ZNF519: variants seen among roughly 807,000 people sequenced by gnomAD.
ZNF519 encodes similar to Zinc finger protein 85 (Zinc finger protein HPF4) (HTF1).
ZNF519 carries 7 observed loss-of-function variants against 7.4 expected under a neutral mutation model. That is an observed-to-expected ratio of 0.94 (90% CI 0.54 to 1.77). ZNF519 has a LOEUF of 1.77. ZNF519 is among the 40% of genes most tolerant of loss of function. ZNF519 has a pLI of 0.00. For missense variants in ZNF519, 586 were observed against 623.1 expected (o/e 0.94, Z 0.63); for synonymous variants, 179 against 203.3 (o/e 0.88, Z 1.02).
At chr18:14,076,442 G>A (rs1264121267) in exon 5 of ZNF519, 1 of 152,190 alleles carries the variant, frequency 6.6e-6, no homozygotes, top group Non-Finnish European at 1.5e-5. Context: ...ATAGGGCACA[G>A]TGGAATGACA....
Position 14,105,611 on chromosome 18 carries a change from T to C in ZNF519, c.929A>G (p.His310Arg), listed in dbSNP as rs768162018. 1.9e-5 allele frequency: 30 copies of C among 1,613,852 alleles called. No individual in the cohort carries two copies. The Middle Eastern group carries it at 4.9e-4, about 27-fold the overall frequency. ...AFNKSSHLAQ[H>R]QRIHTGEKPF... is the part of the protein sequence containing the mutation. ...CTTCTCTCCAGTATGGATTCTCTGATGTTGAGCAAGGTGTGAACTCTTGTT... is the reference window on the plus strand; with the variant it reads ...CTTCTCTCCAGTATGGATTCTCTGACGTTGAGCAAGGTGTGAACTCTTGTT... The change falls in exon 3 of 3, where the codon CAT becomes CGT. Residue 310 changes from histidine (H) to arginine (R), a missense_variant. Coordinates refer to ENST00000590202, the MANE Select transcript of ZNF519 (RefSeq NM_145287.4).
At position 14,076,202 on chromosome 18, in the gene ZNF519, T is replaced by TTTTTTTGTA. The variant is rs1344076406; in HGVS notation, c.*1592_*1600dup. 13 of 152,290 alleles carry TTTTTTTGTA rather than the reference T, an allele frequency of 8.5e-5. No individual in the cohort carries two copies. The South Asian group carries it at 1.2e-3, about 15-fold the overall frequency. The allele number at this position is 152,290 out of a possible 1,614,324, so 9.4% of individuals were successfully genotyped here. A position where few individuals can be genotyped will look rare whatever the true frequency, so the allele number is the denominator to read the frequency against. On this transcript the variant is annotated 3_prime_UTR_variant and NMD_transcript_variant, in exon 5 of 5. Coordinates refer to the ZNF519 transcript ENST00000587419. The stretch of plus-strand genomic sequence containing the variant: ...AAACTCCACATATATTTCATTTTCT[T>TTTTTTTGTA]TTTTTTGTAGATTTTGTCAGGTTTT...
chr18:14,132,199 T>C, intron 1 of ZNF519, 76 bp downstream of exon 1: 3 of 1,563,934 alleles, frequency 1.9e-6, no homozygotes, highest in Admixed American at 1.7e-5. Context: ...GCAGACTAGG[T>C]CCCGTCACCG....
chr18:14,092,541 ATGGTCTTGTTGG>A (rs918046450), intron 2 of ZNF519, among the ~76,000 whole-genome samples: 3 of 152,132 alleles, frequency 2.0e-5, no homozygotes, highest in Admixed American at 6.5e-5. Context: ...GGCAAATTCA[ATGGTCTTGTTGG>A]TGGCCAGAGC....
chr18:14,094,400 TA>T (rs1262031918), intron 2 of ZNF519, among the ~76,000 whole-genome samples: 4 of 152,244 alleles, frequency 2.6e-5, no homozygotes, highest in Non-Finnish European at 5.9e-5. Context: ...CTTTTCAGTA[TA>T]ACATTAGCAT....
Position 14,101,311 on chromosome 18 carries a change from A to G in ZNF519, c.*3606T>C, listed in dbSNP as rs2046159408. ...TGGAGTCCACCTGCAGGTCTCATCCAGATTTAGGGCTGATTTATTTCCGCA... is the reference window on the plus strand; with the variant it reads ...TGGAGTCCACCTGCAGGTCTCATCCGGATTTAGGGCTGATTTATTTCCGCA... On this transcript the variant is annotated 3_prime_UTR_variant, in exon 3 of 3. Transcript: ENST00000590202. 6.1e-6 allele frequency: 1 copy of G among 163,170 alleles called. No homozygotes were observed. Among genetic ancestry groups the G allele is most frequent in the Admixed American group, 6.4e-5 (1 of 15,594 alleles). 10.1% of individuals were successfully genotyped at this position (163,170 alleles called of 1,614,324 possible). A position where few individuals can be genotyped will look rare whatever the true frequency, so the allele number is the denominator to read the frequency against.
downstream of ZNF519, chr18:14,074,925 G>A (rs1415842022): frequency 1.3e-5 from 2 of 151,948 alleles, no homozygotes; most frequent in Non-Finnish European, 2.9e-5. Context: ...TGCTGATAAA[G>A]ACATACCCAA....
chr18:14,108,725 A>G (rs2046206502), intron 2 of ZNF519, among the ~76,000 whole-genome samples: 1 of 152,212 alleles, frequency 6.6e-6, no homozygotes, highest in South Asian at 2.1e-4. Flanking sequence ...CAGAAAAAGC[A>G]GTAGTAGCTA....
chr18:14,132,395 G>A lies in ZNF519; in HGVS notation c.-118C>T, dbSNP rs149219097. ...AGTCTCCCGGAGCAGAGGACACAAG[G>A]CAATGAAGCCCTAACCCCGCGCTCT... is the stretch of plus-strand genomic sequence containing the variant. On this transcript the variant is annotated 5_prime_UTR_variant, in exon 1 of 3. Transcript: ENST00000590202. 150 of 1,315,796 alleles carry A rather than the reference G, an allele frequency of 1.1e-4. No homozygotes were observed. In the African/African-American group the frequency reaches 2.0e-3, roughly 18 times the overall value. 81.5% of individuals were successfully genotyped at this position (1,315,796 alleles called of 1,614,324 possible). A position where few individuals can be genotyped will look rare whatever the true frequency, so the allele number is the denominator to read the frequency against.
chr18:14,119,358 C>A (rs1023256609), intron 2 of ZNF519, among the ~76,000 whole-genome samples: 1 of 152,178 alleles, frequency 6.6e-6, no homozygotes, highest in African/African-American at 2.4e-5. Flanking sequence ...GCTGAGGTCA[C>A]GGTCTGTAGG....
chr18:14,126,867 T>C (rs1255039924), intron 1 of ZNF519, among the ~76,000 whole-genome samples: 1 of 152,174 alleles, frequency 6.6e-6, no homozygotes, highest in Non-Finnish European at 1.5e-5. Flanking sequence ...CATCCTCAAA[T>C]GTCTCCAAAA....
chr18:14,086,309 A>G (rs2046090286), intron 2 of ZNF519, among the ~76,000 whole-genome samples: 1 of 152,124 alleles, frequency 6.6e-6, no homozygotes, highest in Non-Finnish European at 1.5e-5. Context: ...GTCCCAGCCC[A>G]CATCACCACT....
At chr18:14,108,897 C>A (rs28631032) in intron 2 of ZNF519, among the ~76,000 whole-genome samples, 3,344 of 151,968 alleles carry the variant, frequency 0.022, 124 homozygotes, top group African/African-American at 0.074. Context: ...TTGAGACCAG[C>A]CTGATTAACA....
In ZNF519 at chr18:14,105,738, T is replaced by C. The variant is rs772505762; in HGVS notation, c.802A>G (p.Lys268Glu). 10 of 1,613,832 alleles carry C rather than the reference T, an allele frequency of 6.2e-6. No individual in the cohort carries two copies. Among genetic ancestry groups the C allele is most frequent in the African/African-American group, 2.7e-5 (2 of 74,908 alleles). Residue 268 changes from lysine to glutamate, a missense_variant, in exon 3 of 3, where the codon AAA (lysine) becomes GAA (glutamate). By Grantham distance (56) the Lys-to-Glu change is moderately conservative. Transcript: ENST00000590202. ...INTGEKSVKYKERGKAFTRGL... is the reference protein window; with the variant it reads ...INTGEKSVKYEERGKAFTRGL... ...CTGGTAAAAGCTTTGCCACGTTCTT[T>C]ATATTTCACTGATTTTTCTCCAGTG...
intron 2 of ZNF519, among the ~76,000 whole-genome samples, chr18:14,085,294 G>A (rs1205411703): frequency 6.6e-6 from 1 of 152,058 alleles, no homozygotes. Flanking sequence ...TCCCTTGCCC[G>A]AGACAGATTT....
At chr18:14,084,599 G>A (rs938253045) in intron 3 of ZNF519, among the ~76,000 whole-genome samples, 1 of 152,088 alleles carries the variant, frequency 6.6e-6, no homozygotes, top group Non-Finnish European at 1.5e-5. Flanking sequence ...GGTGGGCAGA[G>A]CTTTTCCCTT....
chr18:14,130,946 T>C lies in ZNF519; in HGVS notation c.3+1329A>G, dbSNP rs558382365. On this transcript the variant is annotated intron_variant, in intron 1 of 2. Coordinates refer to ENST00000590202, the MANE Select transcript of ZNF519 (RefSeq NM_145287.4). ...ACCCCCAGGGCATTCAGCTGCTCCTTTGAGAAGCTGCACTCCCATCCCTCA... is the reference window on the plus strand; with the variant it reads ...ACCCCCAGGGCATTCAGCTGCTCCTCTGAGAAGCTGCACTCCCATCCCTCA... Among the ~76,000 whole-genome samples the C allele has an allele frequency of 2.0e-5, 3 of 152,180 alleles. No individual in the cohort carries two copies. In the South Asian group the frequency reaches 6.2e-4, roughly 32 times the overall value.
At chr18:14,116,840 C>G (rs1354640059) in intron 2 of ZNF519, among the ~76,000 whole-genome samples, 1 of 152,120 alleles carries the variant, frequency 6.6e-6, no homozygotes, top group Non-Finnish European at 1.5e-5. Flanking sequence ...AACCCTGTCT[C>G]TACTAAAAAT....
At position 14,101,995 on chromosome 18, in the gene ZNF519, G is replaced by A; in HGVS notation, c.*2922C>T. On this transcript the variant is annotated 3_prime_UTR_variant, in exon 3 of 3. Coordinates refer to ENST00000590202, the MANE Select transcript of ZNF519 (RefSeq NM_145287.4). ...TTCTCTAATATTCAGGAATAAAGAG[G>A]TTTCCTACTGATTATGTTTTTTGAG... 1 of 351,960 alleles carries A rather than the reference G, an allele frequency of 2.8e-6. No homozygotes were observed. The highest frequency in any genetic ancestry group is 5.0e-6 in the Non-Finnish European group (1 of 198,110). 21.8% of individuals were successfully genotyped at this position (351,960 alleles called of 1,614,324 possible).
Sources: allele counts gnomAD v4.1 joint callset (sites outside exome capture counted in the v4.1 genomes callset), GRCh38; gene constraint gnomAD v4.1.1; transcripts MANE v1.5; gene names NCBI Gene and HGNC (gene_info 2026-07-23, HGNC 2026-07-21).